ABCB4: variants seen among roughly 807,000 people sequenced by gnomAD.
The protein encoded by ABCB4 is ATP binding cassette subfamily B member 4.
Under a neutral mutation model 145.7 loss-of-function variants are expected in ABCB4, and 76 were observed. The observed-to-expected ratio is 0.52, with a 90% CI of 0.43 to 0.63. The LOEUF is 0.63. Ranked by LOEUF, ABCB4 falls within the 30% of genes least tolerant of loss-of-function variation. ABCB4 has a pLI of 0.00. For missense variants in ABCB4, 1,234 were observed against 1,553.1 expected (o/e 0.79, Z 3.45); for synonymous variants, 517 against 566.8 (o/e 0.91, Z 1.25).
At chr7:87,376,117 T>C in the ABCB4 span, among the ~76,000 whole-genome samples, 1 of 152,128 alleles carries the variant, frequency 6.6e-6, no homozygotes, top group Non-Finnish European at 1.5e-5. Context: ...AAGTAGATAG[T>C]AAATTGGTAA....
At chr7:87,438,556 C>T (rs1204875209) in intron 14 of ABCB4, among the ~76,000 whole-genome samples, 1 of 152,060 alleles carries the variant, frequency 6.6e-6, no homozygotes, top group Non-Finnish European at 1.5e-5. Context: ...TGAGACCAGC[C>T]TGGGCAACAT....
At chr7:87,439,324 A>G (rs186955275) in intron 14 of ABCB4, among the ~76,000 whole-genome samples, 59 of 152,330 alleles carry the variant, frequency 3.9e-4, no homozygotes, top group Non-Finnish European at 6.5e-4. Context: ...TTTCAGCTGG[A>G]CCAGTGTCTG....
chr7:87,389,138 G>C, the ABCB4 span, among the ~76,000 whole-genome samples: 2 of 152,196 alleles, frequency 1.3e-5, no homozygotes, highest in Non-Finnish European at 2.9e-5. Context: ...TGCTGGAGAG[G>C]ATGTGGAGAA....
At chr7:87,458,177 A>G (rs1004581108) in intron 4 of ABCB4, among the ~76,000 whole-genome samples, 5 of 152,136 alleles carry the variant, frequency 3.3e-5, no homozygotes, top group Non-Finnish European at 7.4e-5. Flanking sequence ...TTCCCGCAGA[A>G]TTTTCTAGAC....
the ABCB4 span, among the ~76,000 whole-genome samples, chr7:87,388,263 A>T: frequency 1.4e-5 from 2 of 145,440 alleles, no homozygotes; most frequent in South Asian, 2.1e-4. Flanking sequence ...TCAGAAAATT[A>T]AAAAAAAACT....
At chr7:87,445,067 G>T in intron 9 of ABCB4, 92 bp from the exon 10 acceptor site, 1 of 868,346 alleles carries the variant, frequency 1.2e-6, no homozygotes, top group Non-Finnish European at 1.8e-6. Flanking sequence ...GTACATAAAG[G>T]ATTAAGTTTA....
At chr7:87,382,020 T>C in the ABCB4 span, 8 of 1,587,414 alleles carry the variant, frequency 5.0e-6, no homozygotes, top group South Asian at 9.0e-5. Flanking sequence ...ATTTCATCTT[T>C]TTTCTCCTAA....
At chr7:87,437,521 TA>T (rs1810690943) in intron 14 of ABCB4, among the ~76,000 whole-genome samples, 1 of 152,086 alleles carries the variant, frequency 6.6e-6, no homozygotes, top group African/African-American at 2.4e-5. Flanking sequence ...AACCAAAAAA[TA>T]ATAATAATAA....
At chr7:87,452,786 G>A (rs891064791) in intron 6 of ABCB4, 158 bp downstream of exon 6, 9 of 838,238 alleles carry the variant, frequency 1.1e-5, no homozygotes, top group Admixed American at 1.1e-4. Flanking sequence ...CAATGGCATA[G>A]GCTATAGATG....
rs143617209 is a variant in ABCB4 at position 87,431,518 on chromosome 7, C to T, written c.1779G>A (p.Thr593=). Residue 593 remains threonine, a synonymous_variant, in exon 15 of 28, where the codon ACG becomes ACA. Transcript: ENST00000649586. ...CAGCGATGACATCTGCATTTCGGAC[C>T]GTAGACAGTCGGTGTGCTATCACAA... The part of the protein sequence containing the change: ...TTIVIAHRLS[T]VRNADVIAGF... 11 of 1,614,106 alleles carry T rather than the reference C, an allele frequency of 6.8e-6. No individual in the cohort carries two copies. Among genetic ancestry groups the T allele is most frequent in the East Asian group, 4.5e-5 (2 of 44,882 alleles).
At chr7:87,418,706 G>T (rs575374400) in intron 19 of ABCB4, 86 bp from the exon 20 acceptor site, 2 of 1,335,452 alleles carry the variant, frequency 1.5e-6, no homozygotes, top group African/African-American at 1.4e-5. Flanking sequence ...CTCCAATGCT[G>T]AGGAAATTTA....
the ABCB4 span, among the ~76,000 whole-genome samples, chr7:87,367,517 T>G: frequency 1.3e-5 from 2 of 152,218 alleles, no homozygotes; most frequent in African/African-American, 4.8e-5. Flanking sequence ...GTAATTTGTT[T>G]TTGCAACCAG....
At chr7:87,451,842 G>C in intron 6 of ABCB4, 48 bp from the exon 7 acceptor site, 6 of 1,575,730 alleles carry the variant, frequency 3.8e-6, no homozygotes, top group Non-Finnish European at 5.2e-6. Context: ...GTTTCAGTTA[G>C]AAAGATGAAG....
chr7:87,452,933 A>G lies in ABCB4; in HGVS notation c.536+11T>C, dbSNP rs8187790. The G allele has an allele frequency of 4.8e-4, 774 of 1,612,546 alleles. 3 individuals carry two copies. In the African/African-American group the frequency reaches 9.2e-3, roughly 19 times the overall value. ...TTCTATATGAAAGTGTGACATTAACAATGTACCTACTCTGTTAGCCGCGTA... is the reference window on the plus strand; with the variant it reads ...TTCTATATGAAAGTGTGACATTAACGATGTACCTACTCTGTTAGCCGCGTA... On this transcript the variant is annotated intron_variant, in intron 6 of 27. Coordinates refer to ENST00000649586, the MANE Select transcript of ABCB4 (RefSeq NM_000443.4).
the ABCB4 span, chr7:87,392,765 G>C: frequency 6.2e-7 from 1 of 1,613,670 alleles, no homozygotes; most frequent in Non-Finnish European, 8.5e-7. Context: ...CTTACTCATA[G>C]CAAAAGAGGA....
At chr7:87,392,792 G>A in the ABCB4 span, 5 of 1,613,632 alleles carry the variant, frequency 3.1e-6, no homozygotes, top group South Asian at 2.2e-5. Context: ...TCCTGTTCCA[G>A]AACTCTTTAC....
At chr7:87,428,268 G>A (rs1189056121) in intron 15 of ABCB4, among the ~76,000 whole-genome samples, 1 of 152,126 alleles carries the variant, frequency 6.6e-6, no homozygotes, top group African/African-American at 2.4e-5. Flanking sequence ...ACACTCAGTT[G>A]GTGTTGGGTG....
downstream of ABCB4, chr7:87,398,502 A>G (rs1554395438): frequency 2.7e-5 from 43 of 1,612,498 alleles, no homozygotes; most frequent in South Asian, 4.4e-4. Context: ...TGTAATCATT[A>G]ATCATTATTT....
At chr7:87,430,234 A>T (rs546229506) in intron 15 of ABCB4, among the ~76,000 whole-genome samples, 1 of 152,226 alleles carries the variant, frequency 6.6e-6, no homozygotes, top group Non-Finnish European at 1.5e-5. Context: ...AATTTCACAC[A>T]TTAATAAAAT....
Sources: gnomAD v4.1 joint callset for allele counts (sites outside exome capture counted in the v4.1 genomes callset) on GRCh38, gnomAD v4.1.1 for gene constraint, MANE v1.5 for transcripts, NCBI Gene and HGNC (gene_info 2026-07-23, HGNC 2026-07-21) for gene names.